Variants in BLK observed in about 807,000 individuals in gnomAD.
BLK encodes the protein BLK proto-oncogene, Src family tyrosine kinase.
Under a neutral mutation model 61.8 loss-of-function variants are expected in BLK, and 64 were observed. The ratio of observed to expected loss-of-function variants is 1.03; its 90% CI spans 0.85 to 1.27. The LOEUF is 1.27. Among genes scored for constraint, BLK ranks in the 50% most tolerant of loss-of-function variants. The pLI is 0.00. For synonymous variants in BLK, 351 were observed against 272.0 expected (o/e 1.29, Z -2.86); for missense variants, 853 against 660.5 (o/e 1.29, Z -3.19).
rs750756307 is a variant in BLK at position 11,557,972 on chromosome 8, G to A, written c.963G>A (p.Leu321=). 6.2e-7 allele frequency: 1 copy of A among 1,613,992 alleles called. No homozygotes were observed. Among genetic ancestry groups the A allele is most frequent in the South Asian group, 1.1e-5 (1 of 91,066 alleles). ...VTEYMARGCL[L]DFLKTDEGSR... is the part of the protein sequence containing the mutation. ...CTTCTCTTTTCTTAGGATGCCTGCT[G>A]GATTTCCTGAAGACAGATGAAGGGA... The change falls in exon 10 of 13, where the codon CTG becomes CTA. Residue 321 remains leucine (L), a synonymous_variant. Transcript: ENST00000259089.
intron 11 of BLK, 145 bp from the exon 12 acceptor site, chr8:11,562,834 C>CCCCCGCCATGCCTGGCCG: frequency 9.5e-7 from 1 of 1,047,156 alleles, no homozygotes. Context: ...GGTAGTGGCT[C>CCCCCGCCATGCCTGGCCG]CCCCGCCATG....
At chr8:11,520,772 C>G (rs1799419057) in intron 1 of BLK, among the ~76,000 whole-genome samples, 1 of 152,138 alleles carries the variant, frequency 6.6e-6, no homozygotes, top group Non-Finnish European at 1.5e-5. Context: ...AACAGATGAT[C>G]TGTTTGTCTT....
At chr8:11,547,303 C>G (rs1800690446) in intron 3 of BLK, among the ~76,000 whole-genome samples, 1 of 152,382 alleles carries the variant, frequency 6.6e-6, no homozygotes. Context: ...GGTCACAACA[C>G]TCAGCTCAGT....
chr8:11,546,008 G>T (rs747992550), intron 2 of BLK, 44 bp from the exon 3 acceptor site: 1 of 1,603,514 alleles, frequency 6.2e-7, no homozygotes. Context: ...CCCCACCCAC[G>T]CAGCAGGGAC....
At chr8:11,538,822 G>C (rs1008102491) in intron 1 of BLK, among the ~76,000 whole-genome samples, 1 of 152,222 alleles carries the variant, frequency 6.6e-6, no homozygotes, top group Non-Finnish European at 1.5e-5. Flanking sequence ...AACGGTCATT[G>C]TCAAGAACTG....
At position 11,546,118 on chromosome 8, in the gene BLK, T is replaced by C. The variant is rs1441379163; in HGVS notation, c.175+15T>C. On this transcript the variant is annotated intron_variant, in intron 3 of 12. Transcript: ENST00000259089. ...CCTGGATGAAGGTAAGAAGGGTGGT[T>C]TGGGAAGCTGAGGCTCCACAGCCCT... 1 of 1,614,092 alleles carries C rather than the reference T, an allele frequency of 6.2e-7. No individual in the cohort carries two copies. Among genetic ancestry groups the C allele is most frequent in the Admixed American group, 1.7e-5 (1 of 60,012 alleles).
chr8:11,555,639 G>A, intron 8 of BLK, 155 bp downstream of exon 8: 1 of 1,240,464 alleles, frequency 8.1e-7, no homozygotes. Context: ...TACAGAGGAG[G>A]AAGTGGAGGT....
At chr8:11,549,633 G>A (rs1800812179) in intron 5 of BLK, among the ~76,000 whole-genome samples, 1 of 152,218 alleles carries the variant, frequency 6.6e-6, no homozygotes, top group Non-Finnish European at 1.5e-5. Context: ...ACAGGGACTA[G>A]CTCTGCCTGA....
At chr8:11,550,044 C>T (rs1262197939) in intron 5 of BLK, 115 bp from the exon 6 acceptor site, 1 of 958,518 alleles carries the variant, frequency 1.0e-6, no homozygotes, top group African/African-American at 1.6e-5. Context: ...CCGACTGGGA[C>T]CAGAAATGCT....
At chr8:11,562,224 G>T (rs1299848150) in intron 11 of BLK, among the ~76,000 whole-genome samples, 2 of 152,316 alleles carry the variant, frequency 1.3e-5, no homozygotes, top group South Asian at 2.1e-4. Context: ...CTGTATTAGG[G>T]TGTCCACGGA....
At chr8:11,515,181 C>A (rs1219175936) in intron 1 of BLK, among the ~76,000 whole-genome samples, 1 of 152,088 alleles carries the variant, frequency 6.6e-6, no homozygotes, top group African/African-American at 2.4e-5. Flanking sequence ...GTGTGCTGTC[C>A]CCTGGGCTGG....
intron 2 of BLK, among the ~76,000 whole-genome samples, chr8:11,543,590 G>C (rs1800488248): frequency 1.3e-5 from 2 of 152,168 alleles, no homozygotes; most frequent in South Asian, 2.1e-4. Flanking sequence ...AATGTAAAAA[G>C]GTCAGCTTGG....
At chr8:11,515,900 G>T (rs535959587) in intron 1 of BLK, among the ~76,000 whole-genome samples, 1 of 152,348 alleles carries the variant, frequency 6.6e-6, no homozygotes, top group South Asian at 2.1e-4. Flanking sequence ...ATATAGAATA[G>T]AGAATACCCA....
rs553095483 is a variant in BLK, at chr8:11,561,188, A to G, written c.1030-114A>G. ...ACACAGTCACCTTTCTACTCCATCC[A>G]AGAAACAGCTCCTTCCCCAGCAGCC... On this transcript the variant is annotated intron_variant, in intron 10 of 12. Coordinates refer to ENST00000259089, the MANE Select transcript of BLK (RefSeq NM_001715.3). 2,534 of 1,445,806 alleles carry G rather than the reference A, an allele frequency of 1.8e-3. 10 individuals carry two copies. The highest frequency in any genetic ancestry group is 2.9e-3 in the South Asian group (234 of 81,454). 89.6% of individuals were successfully genotyped at this position (1,445,806 alleles called of 1,614,324 possible). A position where few individuals can be genotyped will look rare whatever the true frequency, so the allele number is the denominator to read the frequency against.
intron 1 of BLK, among the ~76,000 whole-genome samples, chr8:11,514,596 G>A (rs1563429921): frequency 6.6e-6 from 1 of 152,190 alleles, no homozygotes; most frequent in Non-Finnish European, 1.5e-5. Flanking sequence ...AGCCGAAGCT[G>A]CCACTGTGGG....
intron 1 of BLK, among the ~76,000 whole-genome samples, chr8:11,497,188 A>C (rs1798390911): frequency 6.6e-6 from 1 of 152,210 alleles, no homozygotes; most frequent in African/African-American, 2.4e-5. Flanking sequence ...ACATACTGAG[A>C]TGGAAATCAA....
chr8:11,532,564 A>G (rs965684705), intron 1 of BLK, among the ~76,000 whole-genome samples: 11 of 151,842 alleles, frequency 7.2e-5, no homozygotes, highest in African/African-American at 2.4e-4. Context: ...TAGGAGACCC[A>G]TTTAATTTTT....
intron 1 of BLK, among the ~76,000 whole-genome samples, chr8:11,542,817 A>T (rs1800445960): frequency 6.6e-6 from 1 of 152,192 alleles, no homozygotes; most frequent in Non-Finnish European, 1.5e-5. Context: ...GTCGGAGAGA[A>T]AATGTCACTT....
At chr8:11,545,245 G>C (rs755183536) in intron 2 of BLK, among the ~76,000 whole-genome samples, 21 of 152,082 alleles carry the variant, frequency 1.4e-4, no homozygotes, top group Non-Finnish European at 2.4e-4. Flanking sequence ...TTAGTTCCAC[G>C]TTTTAAAATT....
Sources: gnomAD v4.1 joint callset for allele counts (sites outside exome capture counted in the v4.1 genomes callset) on GRCh38, gnomAD v4.1.1 for gene constraint, MANE v1.5 for transcripts, NCBI Gene and HGNC (gene_info 2026-07-23, HGNC 2026-07-21) for gene names.